Variants in FARP2 observed in about 807,000 individuals in gnomAD.
FARP2 encodes FERM, ARHGEF and pleckstrin domain-containing protein 2.
A neutral mutation model predicts 130.5 loss-of-function variants in FARP2; 111 were observed. That is an observed-to-expected ratio of 0.85 (90% CI 0.73 to 1.00). FARP2 has a LOEUF of 1.00. Ranked by LOEUF, FARP2 falls within the 50% of genes least tolerant of loss-of-function variation. The pLI is 0.00. For synonymous variants in FARP2, 504 were observed against 516.9 expected (o/e 0.98, Z 0.34); for missense variants, 1,385 against 1,346.3 (o/e 1.03, Z -0.45).
In FARP2 at chr2:241,391,417, G is replaced by A. The variant is rs537886924; in HGVS notation, c.184-12411G>A. Among the ~76,000 whole-genome samples the A allele has an allele frequency of 3.9e-5, 6 of 152,272 alleles. No individual in the cohort carries two copies. The South Asian group carries it at 8.3e-4, about 21-fold the overall frequency. On this transcript the variant is annotated intron_variant, in intron 2 of 26. Transcript: ENST00000264042. ...TCCTTCTTGATGTGCCCTTGCCCAG[G>A]TGGAAGACTTTAATAGACATAAAGC...
chr2:241,473,748 T>A (rs1161280917), intron 18 of FARP2, among the ~76,000 whole-genome samples: 1 of 152,150 alleles, frequency 6.6e-6, no homozygotes, highest in Non-Finnish European at 1.5e-5. Context: ...CCCAAGTGCT[T>A]GAGGGATGGC....
intron 19 of FARP2, among the ~76,000 whole-genome samples, chr2:241,480,300 C>T (rs2064582747): frequency 6.6e-6 from 1 of 152,232 alleles, no homozygotes; most frequent in Admixed American, 6.5e-5. Context: ...AGCATTAGGA[C>T]TTACCACCTC....
At chr2:241,442,435 C>G (rs1159899145) in intron 13 of FARP2, 2 of 456,620 alleles carry the variant, frequency 4.4e-6, no homozygotes, top group South Asian at 1.5e-5. Context: ...CTTCAGCAAC[C>G]CTTTTGCACA....
chr2:241,463,482 A>G lies in FARP2; in HGVS notation c.1811+14A>G. Reference sequence around the variant, plus strand: ...GCTGGCACTCTGGTAACACCCCTTCAGCCCCCACACGGGAGACTCCCACAC... The same window carrying G: ...GCTGGCACTCTGGTAACACCCCTTCGGCCCCCACACGGGAGACTCCCACAC... On this transcript the variant is annotated intron_variant, in intron 16 of 26. Transcript: ENST00000264042. 1 of 1,611,840 alleles carries G rather than the reference A, an allele frequency of 6.2e-7. No homozygotes were observed. The highest frequency in any genetic ancestry group is 8.5e-7 in the Non-Finnish European group (1 of 1,179,258).
chr2:241,486,951 G>C (rs1301784716), intron 21 of FARP2, among the ~76,000 whole-genome samples: 1 of 152,170 alleles, frequency 6.6e-6, no homozygotes, highest in Non-Finnish European at 1.5e-5. Context: ...CCATCGAGCA[G>C]CCCCATCATT....
chr2:241,413,236 T>C lies in FARP2; in HGVS notation c.509-71T>C, dbSNP rs550260371. 8 of 846,926 alleles carry C rather than the reference T, an allele frequency of 9.4e-6. No homozygotes were observed. The African/African-American group carries it at 1.2e-4, about 13-fold the overall frequency. 52.5% of individuals were successfully genotyped at this position (846,926 alleles called of 1,614,324 possible). On this transcript the variant is annotated intron_variant, in intron 6 of 26. Transcript: ENST00000264042. ...TGGGATAATTTTTTTTTACTTTTAA[T>C]GTATGCAATGACACATACAAATGCT...
intron 2 of FARP2, among the ~76,000 whole-genome samples, chr2:241,378,573 G>A (rs535870664): frequency 6.6e-6 from 1 of 151,824 alleles, no homozygotes; most frequent in Non-Finnish European, 1.5e-5. Flanking sequence ...CCACCATGCT[G>A]GCTAATTTGT....
intron 4 of FARP2, among the ~76,000 whole-genome samples, chr2:241,406,869 A>G (rs1194359619): frequency 6.6e-6 from 1 of 151,934 alleles, no homozygotes; most frequent in Non-Finnish European, 1.5e-5. Flanking sequence ...GTGCAGTGGC[A>G]CGATCGCGGC....
intron 2 of FARP2, among the ~76,000 whole-genome samples, chr2:241,391,964 T>C (rs1559725355): frequency 6.6e-6 from 1 of 152,138 alleles, no homozygotes; most frequent in Non-Finnish European, 1.5e-5. Context: ...GGGAGGGAGA[T>C]GCTAAAGAAT....
chr2:241,443,247 C>G (rs985110348), intron 13 of FARP2: 1 of 155,608 alleles, frequency 6.4e-6, no homozygotes, highest in Non-Finnish European at 1.4e-5. Context: ...GCCAAAGGCA[C>G]CATGTCATTT....
At chr2:241,453,892 TC>T (rs1432132695) in intron 13 of FARP2, among the ~76,000 whole-genome samples, 15 of 144,240 alleles carry the variant, frequency 1.0e-4, no homozygotes, top group African/African-American at 3.8e-4. Flanking sequence ...CAAGCAATTC[TC>T]CTGCCTCAGC....
intron 2 of FARP2, among the ~76,000 whole-genome samples, chr2:241,394,584 T>C (rs2061986249): frequency 6.6e-6 from 1 of 152,010 alleles, no homozygotes; most frequent in African/African-American, 2.4e-5. Context: ...ATTATGACAC[T>C]TTATGACCTA....
At chr2:241,419,659 T>G (rs547754270) in intron 8 of FARP2, among the ~76,000 whole-genome samples, 14 of 152,284 alleles carry the variant, frequency 9.2e-5, no homozygotes, top group African/African-American at 3.4e-4. Context: ...TAGGGAAGGC[T>G]GGAATCTCAC....
chr2:241,443,744 C>T (rs1198678743), intron 13 of FARP2: 3 of 152,306 alleles, frequency 2.0e-5, no homozygotes, highest in Non-Finnish European at 4.4e-5. Context: ...TTCAATTTGT[C>T]AAGTCCACAG....
rs1170929751 is a variant in FARP2 at position 241,402,867 on chromosome 2, TATATATATATATA to T, written c.184-960_184-948del. On this transcript the variant is annotated intron_variant, in intron 2 of 26. Transcript: ENST00000264042. ...ATATATATATATATATATATATATA[TATATATATATATA>T]TTTTTTTTTTTTTTTTTTTTTTTTT... Among the ~76,000 whole-genome samples the T allele has an allele frequency of 2.3e-3, 39 of 16,976 alleles. 1 individual carries two copies. The highest frequency in any genetic ancestry group is 3.0e-3 in the African/African-American group (12 of 3,954). The allele number at this position is 16,976 out of a possible 152,430, so 11.1% of individuals were successfully genotyped here.
At chr2:241,468,854 G>A (rs1240820871) in intron 18 of FARP2, among the ~76,000 whole-genome samples, 2 of 152,222 alleles carry the variant, frequency 1.3e-5, no homozygotes, top group East Asian at 1.9e-4. Context: ...AACATAGGCA[G>A]CCTTTGTAAT....
At chr2:241,375,002 C>T (rs957206732) in intron 2 of FARP2, among the ~76,000 whole-genome samples, 3 of 152,138 alleles carry the variant, frequency 2.0e-5, no homozygotes, top group African/African-American at 4.8e-5. Context: ...GCTGGAGTGC[C>T]ACGGCATGAT....
intron 25 of FARP2, 109 bp from the exon 26 acceptor site, chr2:241,493,184 C>T: frequency 2.2e-6 from 3 of 1,354,214 alleles, no homozygotes; most frequent in Non-Finnish European, 3.1e-6. Flanking sequence ...AACTGGCTCC[C>T]TTGGCCCGTG....
chr2:241,372,090 CAT>C (rs3834168), intron 1 of FARP2, among the ~76,000 whole-genome samples: 16,749 of 151,968 alleles, frequency 0.11, 1,168 homozygotes, highest in Non-Finnish European at 0.15. Context: ...TAATGACAAG[CAT>C]AGCACTGTTA....
Sources: gnomAD v4.1 joint callset for allele counts (sites outside exome capture counted in the v4.1 genomes callset) on GRCh38, gnomAD v4.1.1 for gene constraint, MANE v1.5 for transcripts, NCBI Gene and HGNC (gene_info 2026-07-23, HGNC 2026-07-21) for gene names.